GABBR2: variants seen among roughly 807,000 people sequenced by gnomAD.
GABBR2 encodes the protein gamma-aminobutyric acid type B receptor subunit 2, also known as G-protein coupled receptor 51.
GABBR2 carries 23 observed loss-of-function variants against 105.6 expected under a neutral mutation model. That is an observed-to-expected ratio of 0.22 (90% CI 0.16 to 0.31). The LOEUF is 0.31. GABBR2 is among the 10% of genes least tolerant of loss of function. The pLI is 1.00. For missense variants in GABBR2, 734 were observed against 1,245.5 expected (o/e 0.59, Z 6.18); for synonymous variants, 478 against 499.7 (o/e 0.96, Z 0.58).
chr9:98,535,475 C>T (rs925962095), intron 3 of GABBR2, among the ~76,000 whole-genome samples: 3 of 150,610 alleles, frequency 2.0e-5, no homozygotes, highest in African/African-American at 4.9e-5. Context: ...CAAAAAAAAA[C>T]CCAATGCAGT....
intron 17 of GABBR2, among the ~76,000 whole-genome samples, chr9:98,295,833 T>C (rs910935517): frequency 1.3e-5 from 2 of 152,194 alleles, no homozygotes; most frequent in East Asian, 1.9e-4. Flanking sequence ...CTAAATAAGA[T>C]GTCTTTAAAG....
chr9:98,352,268 T>C (rs1044021683), intron 13 of GABBR2, among the ~76,000 whole-genome samples: 2 of 152,138 alleles, frequency 1.3e-5, no homozygotes, highest in African/African-American at 2.4e-5. Context: ...AGTCCTCAGG[T>C]CCCCAGGTAT....
intron 1 of GABBR2, among the ~76,000 whole-genome samples, chr9:98,684,823 G>T (rs1830600795): frequency 6.6e-6 from 1 of 152,168 alleles, no homozygotes; most frequent in Non-Finnish European, 1.5e-5. Flanking sequence ...AATGGACTCT[G>T]CTTGAATTCC....
chr9:98,521,685 G>A (rs1409603346), intron 3 of GABBR2, among the ~76,000 whole-genome samples: 1 of 152,164 alleles, frequency 6.6e-6, no homozygotes, highest in African/African-American at 2.4e-5. Context: ...TCCCTTGGCT[G>A]CTTGTCCCTA....
chr9:98,341,134 C>T (rs565275658), intron 13 of GABBR2, among the ~76,000 whole-genome samples: 1 of 152,328 alleles, frequency 6.6e-6, no homozygotes, highest in East Asian at 1.9e-4. Context: ...GGGAAGCCAA[C>T]AAGGAAGATG....
intron 3 of GABBR2, among the ~76,000 whole-genome samples, chr9:98,539,050 G>A (rs1220959222): frequency 6.6e-6 from 1 of 152,228 alleles, no homozygotes; most frequent in Non-Finnish European, 1.5e-5. Context: ...GGGGAAAGAT[G>A]TGCTACCCAA....
intron 7 of GABBR2, among the ~76,000 whole-genome samples, chr9:98,420,602 T>C (rs1588151385): frequency 6.6e-6 from 1 of 152,174 alleles, no homozygotes; most frequent in Non-Finnish European, 1.5e-5. Flanking sequence ...GACAGACCTA[T>C]AGATAACCAC....
At chr9:98,378,603 G>A (rs527687842) in intron 11 of GABBR2, among the ~76,000 whole-genome samples, 2 of 152,352 alleles carry the variant, frequency 1.3e-5, no homozygotes, top group African/African-American at 4.8e-5. Flanking sequence ...CATCCCCTGA[G>A]AGTGTGTCAG....
intron 6 of GABBR2, among the ~76,000 whole-genome samples, chr9:98,461,515 T>C (rs1033623768): frequency 7.2e-5 from 11 of 152,326 alleles, no homozygotes; most frequent in East Asian, 3.9e-4. Flanking sequence ...CCTGAATCAA[T>C]TGATTATTCA....
intron 13 of GABBR2, among the ~76,000 whole-genome samples, chr9:98,328,666 C>T (rs755255090): frequency 2.0e-5 from 3 of 152,162 alleles, no homozygotes; most frequent in Non-Finnish European, 2.9e-5. Context: ...TTAAGTTTTG[C>T]ATTTTTTCTT....
intron 11 of GABBR2, among the ~76,000 whole-genome samples, chr9:98,373,592 A>G (rs985415933): frequency 1.3e-5 from 2 of 152,196 alleles, no homozygotes; most frequent in Non-Finnish European, 2.9e-5. Context: ...CAGAGGGGGT[A>G]GCTGACCAAC....
chr9:98,422,989 A>G (rs1475528891), intron 7 of GABBR2, among the ~76,000 whole-genome samples: 2 of 152,130 alleles, frequency 1.3e-5, no homozygotes, highest in Non-Finnish European at 2.9e-5. Flanking sequence ...TATGTGCCAC[A>G]TTTGCTTAAC....
chr9:98,651,399 T>A (rs1030054534), intron 1 of GABBR2, among the ~76,000 whole-genome samples: 1 of 152,114 alleles, frequency 6.6e-6, no homozygotes, highest in African/African-American at 2.4e-5. Flanking sequence ...GTGCTGGGAT[T>A]ACAGGCGTGA....
chr9:98,523,274 T>C (rs536511552), intron 3 of GABBR2, among the ~76,000 whole-genome samples: 3 of 152,280 alleles, frequency 2.0e-5, no homozygotes, highest in African/African-American at 7.2e-5. Flanking sequence ...AAGAAGTAGA[T>C]AAATCAAAGC....
chr9:98,358,764 C>T (rs1831531766), intron 13 of GABBR2, among the ~76,000 whole-genome samples: 2 of 152,174 alleles, frequency 1.3e-5, no homozygotes, highest in Non-Finnish European at 2.9e-5. Flanking sequence ...GCTCCAGGAC[C>T]ACAGCCACAC....
At chr9:98,314,300 G>A (rs1408510575) in intron 13 of GABBR2, among the ~76,000 whole-genome samples, 1 of 152,136 alleles carries the variant, frequency 6.6e-6, no homozygotes, top group African/African-American at 2.4e-5. Flanking sequence ...GAACTGGCTT[G>A]GTCCCAAGGT....
intron 18 of GABBR2, among the ~76,000 whole-genome samples, chr9:98,292,200 G>A: frequency 6.6e-6 from 1 of 152,132 alleles, no homozygotes; most frequent in East Asian, 1.9e-4. Flanking sequence ...CCAGTGCCTG[G>A]CCACTCACGT....
chr9:98,511,205 A>C (rs1827634779), intron 3 of GABBR2, among the ~76,000 whole-genome samples: 1 of 151,444 alleles, frequency 6.6e-6, no homozygotes, highest in South Asian at 2.1e-4. Flanking sequence ...CTTTGAAACC[A>C]ACGAGAACAA....
intron 13 of GABBR2, among the ~76,000 whole-genome samples, chr9:98,335,569 G>T (rs1456699847): frequency 1.3e-5 from 2 of 152,108 alleles, no homozygotes; most frequent in Non-Finnish European, 2.9e-5. Flanking sequence ...CAGATATTTT[G>T]GGGGGTGTGA....
Sources: allele counts gnomAD v4.1 joint callset (sites outside exome capture counted in the v4.1 genomes callset), GRCh38; gene constraint gnomAD v4.1.1; transcripts MANE v1.5; gene names NCBI Gene and HGNC (gene_info 2026-07-23, HGNC 2026-07-21).